ADAMTS3: variants seen among roughly 807,000 people sequenced by gnomAD.
The protein encoded by ADAMTS3 is ADAM metallopeptidase with thrombospondin type 1 motif 3.
A neutral mutation model predicts 129.0 loss-of-function variants in ADAMTS3; 73 were observed. The observed-to-expected ratio is 0.57, with a 90% CI of 0.47 to 0.69. The LOEUF is 0.69. ADAMTS3 is among the 30% of genes least tolerant of loss of function. ADAMTS3 has a pLI of 0.00. For synonymous variants in ADAMTS3, 477 were observed against 510.8 expected (o/e 0.93, Z 0.89); for missense variants, 1,457 against 1,514.5 (o/e 0.96, Z 0.63).
intron 6 of ADAMTS3, among the ~76,000 whole-genome samples, chr4:72,322,405 G>C (rs1203651299): frequency 6.6e-6 from 1 of 152,136 alleles, no homozygotes. Context: ...CCTTAAAGGA[G>C]CTAAACTCAA....
intron 3 of ADAMTS3, among the ~76,000 whole-genome samples, chr4:72,529,936 T>TTATATTTATATATAATATATAA (rs1720932492): frequency 1.7e-5 from 1 of 57,488 alleles, no homozygotes; most frequent in East Asian, 6.4e-4. Context: ...ATATAATATA[T>TTATATTTATATATAATATATAA]TATATTTATA....
intron 4 of ADAMTS3, among the ~76,000 whole-genome samples, chr4:72,385,427 G>A (rs1721420681): frequency 6.6e-6 from 1 of 151,816 alleles, no homozygotes; most frequent in South Asian, 2.1e-4. Context: ...AGGTACACAG[G>A]TACGAAGAGC....
chr4:72,427,725 A>G (rs957884827), intron 3 of ADAMTS3, among the ~76,000 whole-genome samples: 26 of 152,076 alleles, frequency 1.7e-4, no homozygotes, highest in African/African-American at 6.3e-4. Context: ...AATGGAAGAG[A>G]GAAAGAGCAC....
intron 4 of ADAMTS3, among the ~76,000 whole-genome samples, chr4:72,371,098 C>G (rs1271550041): frequency 2.0e-5 from 3 of 151,994 alleles, no homozygotes; most frequent in Non-Finnish European, 4.4e-5. Context: ...AGGCAACCAC[C>G]AGGAGCTAGG....
intron 3 of ADAMTS3, chr4:72,441,975 C>G (rs999235521): frequency 6.6e-6 from 1 of 151,802 alleles, no homozygotes; most frequent in Non-Finnish European, 1.5e-5. Flanking sequence ...CTCCAGCCAT[C>G]ATGTTTTCTC....
intron 4 of ADAMTS3, among the ~76,000 whole-genome samples, chr4:72,367,654 T>C (rs1216730506): frequency 6.6e-6 from 1 of 152,166 alleles, no homozygotes; most frequent in Non-Finnish European, 1.5e-5. Flanking sequence ...ATCAAGACCA[T>C]CCTGGCTAAC....
intron 18 of ADAMTS3, among the ~76,000 whole-genome samples, chr4:72,296,234 G>T (rs1472836656): frequency 6.6e-6 from 1 of 152,008 alleles, no homozygotes; most frequent in African/African-American, 2.4e-5. Flanking sequence ...AGTTCAAATA[G>T]TATGGGGTAA....
intron 3 of ADAMTS3, among the ~76,000 whole-genome samples, chr4:72,438,669 T>G (rs1718033985): frequency 6.6e-6 from 1 of 151,662 alleles, no homozygotes; most frequent in Non-Finnish European, 1.5e-5. Context: ...CAAACACAAG[T>G]AGTATTATTA....
chr4:72,392,498 C>G (rs1376831669), intron 4 of ADAMTS3, among the ~76,000 whole-genome samples: 1 of 152,162 alleles, frequency 6.6e-6, no homozygotes, highest in African/African-American at 2.4e-5. Flanking sequence ...ACTTGAAATT[C>G]ATTGCTTCAA....
intron 4 of ADAMTS3, among the ~76,000 whole-genome samples, chr4:72,367,940 C>G (rs1454027821): frequency 6.6e-6 from 1 of 151,338 alleles, no homozygotes; most frequent in Non-Finnish European, 1.5e-5. Flanking sequence ...ATGTTTTTAA[C>G]TCTTTGGATG....
At chr4:72,530,289 T>C (rs1377419373) in intron 3 of ADAMTS3, among the ~76,000 whole-genome samples, 4 of 83,028 alleles carry the variant, frequency 4.8e-5, no homozygotes, top group South Asian at 8.1e-4. Context: ...TATAATAACA[T>C]ATAATATATA....
chr4:72,472,747 T>A (rs990907256), intron 3 of ADAMTS3, among the ~76,000 whole-genome samples: 5 of 152,106 alleles, frequency 3.3e-5, no homozygotes, highest in African/African-American at 1.2e-4. Flanking sequence ...ATGCCACATA[T>A]AAGATAGTCA....
chr4:72,461,420 AT>A (rs1216290188), intron 3 of ADAMTS3, among the ~76,000 whole-genome samples: 1 of 151,382 alleles, frequency 6.6e-6, no homozygotes, highest in African/African-American at 2.4e-5. Flanking sequence ...CTCCTTAAAC[AT>A]TTTTTTCTTT....
rs1719245418 is a variant in ADAMTS3 at position 72,311,918 on chromosome 4, A to T, written c.1921+373T>A. 4.6e-5 allele frequency among the ~76,000 whole-genome samples: 7 copies of T among 152,186 alleles called. No individual in the cohort carries two copies. In the South Asian group the frequency reaches 1.2e-3, roughly 27 times the overall value. ...AATTATGATCTTTCTCTTGGTCCTG[A>T]CTCAATTTTCAAAGAACTATATTTT... On this transcript the variant is annotated intron_variant, in intron 13 of 21. Coordinates refer to ENST00000286657, the MANE Select transcript of ADAMTS3 (RefSeq NM_014243.3).
chr4:72,324,133 A>G (rs994637145), intron 5 of ADAMTS3, among the ~76,000 whole-genome samples: 9 of 152,218 alleles, frequency 5.9e-5, no homozygotes, highest in African/African-American at 2.2e-4. Flanking sequence ...CTTCAGATCC[A>G]GGAGATTTGA....
intron 2 of ADAMTS3, among the ~76,000 whole-genome samples, chr4:72,560,575 T>C (rs1359131670): frequency 2.0e-5 from 3 of 151,978 alleles, no homozygotes; most frequent in Admixed American, 2.0e-4. Flanking sequence ...CTCAGCAAAC[T>C]AACTCAGGAA....
chr4:72,463,041 T>C (rs1455889653), intron 3 of ADAMTS3, among the ~76,000 whole-genome samples: 1 of 151,960 alleles, frequency 6.6e-6, no homozygotes, highest in African/African-American at 2.4e-5. Context: ...TCATGACAGG[T>C]GATCTATATA....
At chr4:72,437,228 A>G (rs1383291527) in intron 3 of ADAMTS3, among the ~76,000 whole-genome samples, 1 of 151,900 alleles carries the variant, frequency 6.6e-6, no homozygotes, top group Non-Finnish European at 1.5e-5. Flanking sequence ...TGCAACGGAA[A>G]TGAACATTTT....
intron 2 of ADAMTS3, among the ~76,000 whole-genome samples, chr4:72,559,017 G>C (rs763802022): frequency 1.3e-5 from 2 of 151,040 alleles, no homozygotes. Flanking sequence ...GGAGGTGTAG[G>C]GGGAGGTGAA....
Sources: gnomAD v4.1 joint callset for allele counts (sites outside exome capture counted in the v4.1 genomes callset) on GRCh38, gnomAD v4.1.1 for gene constraint, MANE v1.5 for transcripts, NCBI Gene and HGNC (gene_info 2026-07-23, HGNC 2026-07-21) for gene names.